Variants in ELL2 observed in about 807,000 individuals in gnomAD.
ELL2 encodes the protein elongation factor for RNA polymerase II 2, also known as RNA polymerase II elongation factor ELL2.
Under a neutral mutation model 72.8 loss-of-function variants are expected in ELL2, and 21 were observed. The ratio of observed to expected loss-of-function variants is 0.29; its 90% CI spans 0.20 to 0.42. ELL2 has a LOEUF of 0.42. ELL2 is among the 10% of genes least tolerant of loss of function. The pLI, the probability that ELL2 is intolerant of heterozygous loss-of-function variation, is 1.00. For missense variants in ELL2, 568 were observed against 772.8 expected, an observed-to-expected ratio of 0.73 and a Z score of 3.14; for synonymous variants, 266 against 283.2, an observed-to-expected ratio of 0.94 and a Z score of 0.61.
chr5:95,944,610 C>T lies in ELL2; in HGVS notation c.148-1561G>A, dbSNP rs55652330. On this transcript the variant is annotated intron_variant, in intron 1 of 11. Coordinates refer to ENST00000237853, the MANE Select transcript of ELL2 (RefSeq NM_012081.6). ...CTTTCCACAGCTAAACTCACTCTTC[C>T]TGAAGTAATGAAAGCATGCCCATAG... 3.3e-3 allele frequency among the ~76,000 whole-genome samples: 502 copies of T among 152,338 alleles called. 2 individuals carry two copies. The highest frequency in any genetic ancestry group is 0.012 in the African/African-American group (479 of 41,590).
chr5:95,924,460 T>C (rs1235224823), intron 2 of ELL2, among the ~76,000 whole-genome samples: 1 of 152,202 alleles, frequency 6.6e-6, no homozygotes, highest in Non-Finnish European at 1.5e-5. Flanking sequence ...CATTTTAATT[T>C]TAGTATTTTA....
intron 1 of ELL2, among the ~76,000 whole-genome samples, chr5:95,944,755 A>G (rs776043144): frequency 1.6e-4 from 24 of 152,190 alleles, no homozygotes; most frequent in Admixed American, 2.6e-4. Context: ...ATGTCTCTCC[A>G]AATCAGAAGC....
intron 5 of ELL2, among the ~76,000 whole-genome samples, chr5:95,902,763 T>C (rs1749190544): frequency 6.6e-6 from 1 of 152,114 alleles, no homozygotes; most frequent in Non-Finnish European, 1.5e-5. Context: ...ATCCATCAAT[T>C]TTCTTTTTTC....
Position 95,888,892 on chromosome 5 carries a change from C to T in ELL2, c.1902G>A (p.Gln634=). The T allele has an allele frequency of 1.2e-6, 2 of 1,608,402 alleles. No individual in the cohort carries two copies. The highest frequency in any genetic ancestry group is 1.7e-6 in the Non-Finnish European group (2 of 1,178,952). Residue 634 remains glutamine, a synonymous_variant, in exon 12 of 12, where the codon CAG becomes CAA. Transcript: ENST00000237853. The part of the protein sequence containing the change: ...IKRLIGEFDQ[Q]QAESWS ...AGTTCTAGGACCATGACTCTGCTTG[C>T]TGTTGGTCAAATTCACCTATTAGCC... is the stretch of plus-strand genomic sequence containing the variant.
At chr5:95,907,615 GGTCACT>G (rs1429992589) in intron 4 of ELL2, among the ~76,000 whole-genome samples, 3 of 152,026 alleles carry the variant, frequency 2.0e-5, no homozygotes, top group Non-Finnish European at 4.4e-5. Flanking sequence ...AGACATGCCT[GGTCACT>G]GACAATCCCA....
intron 5 of ELL2, among the ~76,000 whole-genome samples, chr5:95,904,113 G>T (rs942200969): frequency 2.0e-5 from 3 of 152,144 alleles, no homozygotes; most frequent in African/African-American, 7.2e-5. Flanking sequence ...TCTGAGAAAA[G>T]GTTCCCTGAT....
intron 2 of ELL2, among the ~76,000 whole-genome samples, chr5:95,926,644 T>A (rs912564195): frequency 6.6e-6 from 1 of 152,186 alleles, no homozygotes; most frequent in African/African-American, 2.4e-5. Context: ...AGTATTAAAA[T>A]TTCTAGTTCT....
intron 2 of ELL2, among the ~76,000 whole-genome samples, chr5:95,923,111 G>A (rs1750155043): frequency 6.6e-6 from 1 of 152,050 alleles, no homozygotes; most frequent in Non-Finnish European, 1.5e-5. Context: ...GAGGCTGGGT[G>A]TGGTGACTTA....
Position 95,904,293 on chromosome 5 carries a change from TTGAA to T in ELL2, c.741+2226_741+2229del, listed in dbSNP as rs374599180. Among the ~76,000 whole-genome samples, 18 of 152,342 alleles carry T rather than the reference TTGAA, an allele frequency of 1.2e-4. 1 individual carries two copies. In the East Asian group the frequency reaches 2.1e-3, roughly 18 times the overall value. On this transcript the variant is annotated intron_variant, in intron 5 of 11. Transcript: ENST00000237853. The stretch of plus-strand genomic sequence containing the variant: ...CACTGTAGGTACTTAATAAGTTGAA[TTGAA>T]TGAATGAATGTTGAGCTTGAGCCAA...
intron 5 of ELL2, among the ~76,000 whole-genome samples, chr5:95,902,596 G>T (rs909833603): frequency 6.6e-6 from 1 of 152,138 alleles, no homozygotes; most frequent in Non-Finnish European, 1.5e-5. Context: ...AAATATGATA[G>T]TTTATGCTTC....
In ELL2 at chr5:95,897,629, T is replaced by C. The variant is rs143894040; in HGVS notation, c.1525+611A>G. Among the ~76,000 whole-genome samples, 283 of 152,328 alleles carry C rather than the reference T, an allele frequency of 1.9e-3. 1 individual carries two copies. The highest frequency in any genetic ancestry group is 6.4e-3 in the African/African-American group (268 of 41,586). On this transcript the variant is annotated intron_variant, in intron 8 of 11. Transcript: ENST00000237853. ...CAAATAACAATTGATGTTAGTTCAC[T>C]AAAACAGGACTCTCAAAATTGGGGG...
chr5:95,934,188 G>A (rs905121929), intron 2 of ELL2, among the ~76,000 whole-genome samples: 6 of 152,048 alleles, frequency 3.9e-5, no homozygotes, highest in African/African-American at 1.2e-4. Flanking sequence ...CATAAATATG[G>A]CTATGCCTTA....
intron 2 of ELL2, among the ~76,000 whole-genome samples, chr5:95,940,204 C>A (rs1356312952): frequency 2.6e-5 from 4 of 152,174 alleles, no homozygotes; most frequent in Admixed American, 6.5e-5. Flanking sequence ...AGTGAAGTCA[C>A]AATTTATATT....
At chr5:95,900,287 T>C (rs114869272) in intron 7 of ELL2, 4,530 of 153,820 alleles carry the variant, frequency 0.029, 229 homozygotes, top group African/African-American at 0.1. Context: ...TATTTGTTGA[T>C]TGTAAATCCA....
At chr5:95,920,396 C>T (rs956085328) in intron 2 of ELL2, among the ~76,000 whole-genome samples, 7 of 151,578 alleles carry the variant, frequency 4.6e-5, no homozygotes, top group African/African-American at 1.7e-4. Flanking sequence ...CTGCAACCTC[C>T]ACCTCCCCGG....
chr5:95,897,924 T>C (rs187912783), intron 8 of ELL2, among the ~76,000 whole-genome samples: 1 of 152,282 alleles, frequency 6.6e-6, no homozygotes, highest in East Asian at 1.9e-4. Flanking sequence ...TAATAGGTCA[T>C]GCTGAGGCTG....
intron 1 of ELL2, among the ~76,000 whole-genome samples, chr5:95,955,159 C>G (rs1394349299): frequency 1.3e-5 from 2 of 152,068 alleles, no homozygotes; most frequent in African/African-American, 4.8e-5. Context: ...CAGTTTCTGT[C>G]TGCTAAAATC....
chr5:95,940,445 G>GA (rs553042864), intron 2 of ELL2, among the ~76,000 whole-genome samples: 149 of 152,206 alleles, frequency 9.8e-4, no homozygotes, highest in African/African-American at 3.4e-3. Flanking sequence ...ATCACTGAGG[G>GA]AAAAAAATCT....
At chr5:95,926,190 CCT>C (rs1750275234) in intron 2 of ELL2, among the ~76,000 whole-genome samples, 1 of 148,904 alleles carries the variant, frequency 6.7e-6, no homozygotes, top group Admixed American at 6.7e-5. Context: ...AAAAAAAAAG[CCT>C]CTCACATCAG....
Sources: gnomAD v4.1 joint callset for allele counts (sites outside exome capture counted in the v4.1 genomes callset) on GRCh38, gnomAD v4.1.1 for gene constraint, MANE v1.5 for transcripts, NCBI Gene and HGNC (gene_info 2026-07-23, HGNC 2026-07-21) for gene names.